The following NRG1 variants were observed in gnomAD, a reference collection of about 807,000 sequenced individuals.
The protein encoded by NRG1 is pro-neuregulin-1, membrane-bound isoform.
A neutral mutation model predicts 63.8 loss-of-function variants in NRG1; 18 were observed. The observed-to-expected ratio is 0.28, with a 90% confidence interval of 0.19 to 0.42. The LOEUF (loss-of-function observed/expected upper bound fraction) is 0.42. NRG1 is among the 10% of genes least tolerant of loss of function. NRG1 has a pLI of 1.00. For missense variants in NRG1, 762 were observed against 814.7 expected (o/e 0.94, Z 0.79); for synonymous variants, 302 against 301.3 (o/e 1.00, Z -0.02).
chr8:31,891,001 C>T (rs952841510), intron 1 of NRG1, among the ~76,000 whole-genome samples: 6 of 152,150 alleles, frequency 3.9e-5, no homozygotes, highest in African/African-American at 1.4e-4. Flanking sequence ...CAAAAGTCAA[C>T]TGAAAATGGA....
At chr8:32,763,845 G>T in exon 12 of NRG1, 1 of 1,613,806 alleles carries the variant, frequency 6.2e-7, no homozygotes, top group Non-Finnish European at 8.5e-7. Flanking sequence ...GTCTCCACCC[G>T]TGTCCAGCAT....
At chr8:32,552,210 C>CTTTTTT (rs35243877) in intron 1 of NRG1, among the ~76,000 whole-genome samples, 1 of 124,766 alleles carries the variant, frequency 8.0e-6, no homozygotes. Context: ...CGCTTGGCCG[C>CTTTTTT]TTTTTTTTTT....
At chr8:32,013,016 T>C (rs4147432) in intron 1 of NRG1, among the ~76,000 whole-genome samples, 1 of 152,034 alleles carries the variant, frequency 6.6e-6, no homozygotes, top group Admixed American at 6.6e-5. Context: ...ACATCCCTAA[T>C]GGGAATTTTC....
intron 1 of NRG1, among the ~76,000 whole-genome samples, chr8:31,914,896 T>C (rs898716146): frequency 6.6e-6 from 1 of 152,092 alleles, no homozygotes; most frequent in African/African-American, 2.4e-5. Flanking sequence ...ATTTTATTGC[T>C]CAGTGGATGA....
At chr8:32,127,527 A>ATGTG (rs1834244199) in intron 1 of NRG1, among the ~76,000 whole-genome samples, 1 of 92,404 alleles carries the variant, frequency 1.1e-5, no homozygotes, top group African/African-American at 3.9e-5. Context: ...GTGTATCTGC[A>ATGTG]CGTGTGTGTG....
At chr8:31,762,792 G>T (rs1817687182) in intron 1 of NRG1, among the ~76,000 whole-genome samples, 1 of 152,106 alleles carries the variant, frequency 6.6e-6, no homozygotes. Context: ...CTAATCTTAT[G>T]CAATTTATTT....
intron 1 of NRG1, among the ~76,000 whole-genome samples, chr8:31,758,488 G>C (rs1263970075): frequency 6.6e-6 from 1 of 152,102 alleles, no homozygotes; most frequent in African/African-American, 2.4e-5. Context: ...ATGATACACT[G>C]AATAAAGAAA....
chr8:31,705,026 GT>G (rs763300977), intron 1 of NRG1, among the ~76,000 whole-genome samples: 4 of 151,280 alleles, frequency 2.6e-5, no homozygotes, highest in Admixed American at 6.6e-5. Context: ...GGAGAGCAAG[GT>G]TTTTTTGTTT....
intron 1 of NRG1, among the ~76,000 whole-genome samples, chr8:31,722,820 C>T (rs1421224328): frequency 6.6e-6 from 1 of 152,046 alleles, no homozygotes; most frequent in Non-Finnish European, 1.5e-5. Flanking sequence ...CCATATTACT[C>T]CCATTTCTTT....
intron 1 of NRG1, among the ~76,000 whole-genome samples, chr8:32,143,780 A>G (rs1302373796): frequency 6.6e-6 from 1 of 152,222 alleles, no homozygotes; most frequent in African/African-American, 2.4e-5. Context: ...GAAAATAAAT[A>G]CACACACCCA....
chr8:31,965,096 T>A (rs1434034723), intron 1 of NRG1, among the ~76,000 whole-genome samples: 1 of 152,202 alleles, frequency 6.6e-6, no homozygotes, highest in African/African-American at 2.4e-5. Context: ...AGTTCCCAGA[T>A]AGAATTAGTC....
chr8:32,757,351 A>T (rs1829864777), intron 9 of NRG1, among the ~76,000 whole-genome samples: 1 of 152,108 alleles, frequency 6.6e-6, no homozygotes, highest in African/African-American at 2.4e-5. Context: ...TTATTTTCAA[A>T]TTATTGCTCT....
At position 32,000,517 on chromosome 8, in the gene NRG1, T is replaced by C. The variant is rs567150820; in HGVS notation, c.37+361086T>C. On this transcript the variant is annotated intron_variant, in intron 1 of 10. Coordinates refer to the NRG1 transcript ENST00000519301. ...CCTGGCCTCAAGCAATCCTCCCACCTCAGCCCCCCAAAGTACTGGGATTAC... is the reference window on the plus strand; with the variant it reads ...CCTGGCCTCAAGCAATCCTCCCACCCCAGCCCCCCAAAGTACTGGGATTAC... 2.6e-5 allele frequency among the ~76,000 whole-genome samples: 4 copies of C among 152,036 alleles called. No homozygotes were observed. The South Asian group carries it at 8.3e-4, about 32-fold the overall frequency.
At chr8:31,885,263 G>C (rs1830632450) in intron 1 of NRG1, among the ~76,000 whole-genome samples, 1 of 152,084 alleles carries the variant, frequency 6.6e-6, no homozygotes, top group Non-Finnish European at 1.5e-5. Context: ...CAGAAGGGAT[G>C]GTTGTGGAAA....
chr8:32,389,187 C>T (rs538462578), intron 1 of NRG1, among the ~76,000 whole-genome samples: 182 of 152,184 alleles, frequency 1.2e-3, no homozygotes, highest in African/African-American at 4.2e-3. Context: ...GGGGGAGCTG[C>T]GAAGAAACGT....
intron 1 of NRG1, among the ~76,000 whole-genome samples, chr8:32,414,572 C>G (rs1815590728): frequency 6.6e-6 from 1 of 152,164 alleles, no homozygotes; most frequent in Admixed American, 6.5e-5. Flanking sequence ...TAGATAAAGG[C>G]ATGTTTCAGA....
At chr8:31,994,886 G>A (rs1487154645) in intron 1 of NRG1, among the ~76,000 whole-genome samples, 1 of 151,574 alleles carries the variant, frequency 6.6e-6, no homozygotes, top group Non-Finnish European at 1.5e-5. Flanking sequence ...TAAGATACTA[G>A]GTTTTAAGTT....
chr8:32,491,784 C>A (rs1826598742), intron 1 of NRG1, among the ~76,000 whole-genome samples: 1 of 152,196 alleles, frequency 6.6e-6, no homozygotes, highest in African/African-American at 2.4e-5. Context: ...CTGATAGCAC[C>A]TTCCTGAACT....
intron 1 of NRG1, among the ~76,000 whole-genome samples, chr8:32,559,245 TAAAAAAAA>T (rs545838945): frequency 5.2e-5 from 5 of 96,790 alleles, no homozygotes; most frequent in African/African-American, 1.8e-4. Flanking sequence ...CTCTAAAATG[TAAAAAAAA>T]AAAAAAAAAA....
Sources: gnomAD v4.1 joint callset for allele counts (sites outside exome capture counted in the v4.1 genomes callset) on GRCh38, gnomAD v4.1.1 for gene constraint, MANE v1.5 for transcripts, NCBI Gene and HGNC (gene_info 2026-07-23, HGNC 2026-07-21) for gene names.